The following FHOD3 variants were observed in gnomAD, a reference collection of about 807,000 sequenced individuals.
FHOD3 encodes the protein formin homology 2 domain containing 3, also known as FH1/FH2 domain-containing protein 3.
A neutral mutation model predicts 173.0 loss-of-function variants in FHOD3; 90 were observed. The observed-to-expected ratio is 0.52, with a 90% CI of 0.44 to 0.62. The LOEUF (loss-of-function observed/expected upper bound fraction) is 0.62, where lower values mean the gene tolerates loss of function less well. Among genes scored for constraint, FHOD3 ranks in the 20% least tolerant of loss-of-function variants. The pLI is 0.00. For missense variants in FHOD3, 1,945 were observed against 2,034.7 expected, an observed-to-expected ratio of 0.96 and a Z score of 0.85; for synonymous variants, 828 against 823.0, an observed-to-expected ratio of 1.01 and a Z score of -0.10.
chr18:36,592,255 C>T (rs984049513), intron 6 of FHOD3, among the ~76,000 whole-genome samples: 5 of 152,118 alleles, frequency 3.3e-5, no homozygotes, highest in African/African-American at 4.8e-5. Context: ...GTGTTAGTGA[C>T]CAAGGGGCTC....
intron 21 of FHOD3, 63 bp from the exon 22 acceptor site, chr18:36,742,674 C>A: frequency 1.3e-6 from 2 of 1,552,214 alleles, no homozygotes; most frequent in South Asian, 1.2e-5. Context: ...TACAAAAAGT[C>A]AGAAGAACAA....
At chr18:36,657,308 A>G (rs781215833) in intron 13 of FHOD3, among the ~76,000 whole-genome samples, 11 of 152,374 alleles carry the variant, frequency 7.2e-5, no homozygotes, top group Non-Finnish European at 1.2e-4. Flanking sequence ...ATGCAAGGGC[A>G]TCAAATAATG....
At chr18:36,505,539 C>T (rs144251620) in intron 4 of FHOD3, among the ~76,000 whole-genome samples, 1,638 of 152,274 alleles carry the variant, frequency 0.011, 17 homozygotes, top group Non-Finnish European at 0.018. Context: ...GATCATTAAA[C>T]AAGCAAAGAT....
chr18:36,544,707 C>G (rs2057350256), intron 5 of FHOD3: 1 of 152,498 alleles, frequency 6.6e-6, no homozygotes, highest in Non-Finnish European at 1.5e-5. Context: ...TGTGGACAAG[C>G]TGGGGCTTGG....
chr18:36,728,847 G>A (rs1460991979), intron 19 of FHOD3, among the ~76,000 whole-genome samples: 1 of 152,178 alleles, frequency 6.6e-6, no homozygotes, highest in Non-Finnish European at 1.5e-5. Context: ...GAGATCAGAT[G>A]ATGAGTGGCA....
At position 36,655,924 on chromosome 18, in the gene FHOD3, C is replaced by G. The variant is rs150496441; in HGVS notation, c.1722-2151C>G. On this transcript the variant is annotated intron_variant, in intron 13 of 28. Coordinates refer to ENST00000590592, the MANE Select transcript of FHOD3 (RefSeq NM_001281740.3). Reference sequence around the variant, plus strand: ...TCTGCTTGTTTTATTTCCATAGCGTCATTTAAACACAATTTTAGCAAAGTG... The same window carrying G: ...TCTGCTTGTTTTATTTCCATAGCGTGATTTAAACACAATTTTAGCAAAGTG... Among the ~76,000 whole-genome samples, 18 of 152,318 alleles carry G rather than the reference C, an allele frequency of 1.2e-4. No individual in the cohort carries two copies. In the East Asian group the frequency reaches 3.5e-3, roughly 29 times the overall value.
chr18:36,538,728 A>C (rs918842170), intron 5 of FHOD3, among the ~76,000 whole-genome samples: 1 of 152,214 alleles, frequency 6.6e-6, no homozygotes, highest in African/African-American at 2.4e-5. Flanking sequence ...AGTATTATAG[A>C]GGTGAAAAAT....
intron 3 of FHOD3, among the ~76,000 whole-genome samples, chr18:36,437,093 A>G (rs1266481487): frequency 2.0e-5 from 3 of 152,104 alleles, no homozygotes; most frequent in Admixed American, 6.5e-5. Flanking sequence ...TTCTCATTGT[A>G]TGAGTATTAG....
At chr18:36,587,006 G>C (rs976822476) in intron 6 of FHOD3, among the ~76,000 whole-genome samples, 7 of 152,072 alleles carry the variant, frequency 4.6e-5, no homozygotes, top group African/African-American at 1.7e-4. Context: ...TTATTCGATG[G>C]CCATGGAATT....
intron 1 of FHOD3, among the ~76,000 whole-genome samples, chr18:36,305,732 C>G (rs1028822994): frequency 6.6e-6 from 1 of 152,180 alleles, no homozygotes; most frequent in African/African-American, 2.4e-5. Context: ...GCTGGAGACT[C>G]TGAGTAGTGG....
chr18:36,774,305 A>G (rs1031767367), intron 28 of FHOD3, among the ~76,000 whole-genome samples: 1 of 152,260 alleles, frequency 6.6e-6, no homozygotes, highest in African/African-American at 2.4e-5. Context: ...AGCCACAGCC[A>G]GACCAGTGAT....
chr18:36,597,811 A>G, intron 7 of FHOD3, among the ~76,000 whole-genome samples: 1 of 152,122 alleles, frequency 6.6e-6, no homozygotes, highest in Non-Finnish European at 1.5e-5. Context: ...CAGCTGAAAA[A>G]AAAAAAAAAA....
At chr18:36,428,328 A>G (rs1156719550) in intron 3 of FHOD3, among the ~76,000 whole-genome samples, 1 of 152,178 alleles carries the variant, frequency 6.6e-6, no homozygotes, top group Non-Finnish European at 1.5e-5. Flanking sequence ...AGTAAGCGTT[A>G]AAGGATTTTT....
chr18:36,554,608 A>C (rs111556426), intron 5 of FHOD3, among the ~76,000 whole-genome samples: 1 of 152,202 alleles, frequency 6.6e-6, no homozygotes, highest in East Asian at 1.9e-4. Flanking sequence ...CGTTGTGCAC[A>C]TGTACCCTAG....
At chr18:36,430,288 C>T (rs2050459962) in intron 3 of FHOD3, among the ~76,000 whole-genome samples, 1 of 152,190 alleles carries the variant, frequency 6.6e-6, no homozygotes, top group South Asian at 2.1e-4. Flanking sequence ...ACGATCTTGG[C>T]TCACCAGAAC....
intron 1 of FHOD3, among the ~76,000 whole-genome samples, chr18:36,299,505 A>C (rs1036519847): frequency 1.3e-5 from 2 of 152,196 alleles, no homozygotes. Context: ...CCAAAGGCTC[A>C]TAATTGTGGC....
chr18:36,716,711 T>C (rs941733104), intron 18 of FHOD3, among the ~76,000 whole-genome samples: 46 of 152,118 alleles, frequency 3.0e-4, no homozygotes, highest in African/African-American at 1.1e-3. Context: ...CACTGGTACC[T>C]GAAAGCAGCA....
intron 17 of FHOD3, among the ~76,000 whole-genome samples, chr18:36,707,162 C>T (rs1600338081): frequency 6.6e-6 from 1 of 152,210 alleles, no homozygotes; most frequent in Non-Finnish European, 1.5e-5. Flanking sequence ...CCATTGGCTT[C>T]CTTCTGTAAC....
intron 10 of FHOD3, among the ~76,000 whole-genome samples, chr18:36,633,245 C>G (rs79091544): frequency 0.15 from 23,493 of 152,176 alleles, 1,981 homozygotes; most frequent in African/African-American, 0.21. Flanking sequence ...CCCAACTTCT[C>G]AGATCTTATT....
Sources: gnomAD v4.1 joint callset for allele counts (sites outside exome capture counted in the v4.1 genomes callset) on GRCh38, gnomAD v4.1.1 for gene constraint, MANE v1.5 for transcripts, NCBI Gene and HGNC (gene_info 2026-07-23, HGNC 2026-07-21) for gene names.